Variants in ATOSA observed in about 807,000 individuals in gnomAD.
The protein encoded by ATOSA is atos homolog A, also known as atos homolog protein A.
chr15:52,676,333 C>T, the ATOSA span, among the ~76,000 whole-genome samples: 1 of 151,938 alleles, frequency 6.6e-6, no homozygotes, highest in African/African-American at 2.4e-5. Flanking sequence ...TCATCATGAC[C>T]CATTAATTGG....
chr15:52,601,404 C>T, the ATOSA span, among the ~76,000 whole-genome samples: 12 of 151,146 alleles, frequency 7.9e-5, no homozygotes, highest in South Asian at 1.3e-3. Context: ...TTTTAAGAAG[C>T]AGAAACATTT....
At chr15:52,628,381 G>A in the ATOSA span, among the ~76,000 whole-genome samples, 1 of 152,158 alleles carries the variant, frequency 6.6e-6, no homozygotes, top group African/African-American at 2.4e-5. Flanking sequence ...CACAGAAGAT[G>A]CTCCTCTGAT....
chr15:52,708,920 C>T, the ATOSA span, among the ~76,000 whole-genome samples: 24 of 151,984 alleles, frequency 1.6e-4, no homozygotes, highest in Non-Finnish European at 2.8e-4. Context: ...CTGACTTAAC[C>T]GGAAATCACA....
At chr15:52,655,876 C>A in the ATOSA span, among the ~76,000 whole-genome samples, 14 of 152,068 alleles carry the variant, frequency 9.2e-5, no homozygotes, top group Non-Finnish European at 1.9e-4. Context: ...GAATCTATTT[C>A]TTTATTTGAA....
At chr15:52,611,858 G>A in the ATOSA span, 1 of 1,264,622 alleles carries the variant, frequency 7.9e-7, no homozygotes, top group Non-Finnish European at 1.1e-6. Flanking sequence ...TCATTGTAAA[G>A]TAGACATCTG....
chr15:52,613,581 T>C, the ATOSA span: 1 of 1,320,950 alleles, frequency 7.6e-7, no homozygotes, highest in Non-Finnish European at 1.0e-6. Context: ...TACATTGAAA[T>C]ATGACAATTA....
the ATOSA span, among the ~76,000 whole-genome samples, chr15:52,644,816 G>A: frequency 2.6e-5 from 4 of 152,084 alleles, no homozygotes; most frequent in Admixed American, 1.3e-4. Flanking sequence ...AAAATAAAAG[G>A]GGAGAACACT....
At chr15:52,667,259 G>A in the ATOSA span, among the ~76,000 whole-genome samples, 1 of 152,116 alleles carries the variant, frequency 6.6e-6, no homozygotes, top group African/African-American at 2.4e-5. Context: ...ATATTAATTA[G>A]CTGTTCTATT....
chr15:52,629,810 T>A, the ATOSA span: 123 of 149,558 alleles, frequency 8.2e-4, 2 homozygotes, highest in South Asian at 0.011. Context: ...TAAAAAAAAT[T>A]AAAAAATAAA....
the ATOSA span, among the ~76,000 whole-genome samples, chr15:52,667,907 G>A: frequency 6.6e-6 from 1 of 152,126 alleles, no homozygotes; most frequent in Non-Finnish European, 1.5e-5. Flanking sequence ...AAAGACAAAA[G>A]AAAACAAGTG....
the ATOSA span, among the ~76,000 whole-genome samples, chr15:52,691,292 T>A: frequency 6.6e-6 from 1 of 152,198 alleles, no homozygotes; most frequent in African/African-American, 2.4e-5. Flanking sequence ...CAAGACTTAG[T>A]CTCATTGGTT....
At chr15:52,662,736 C>T in the ATOSA span, among the ~76,000 whole-genome samples, 314 of 146,118 alleles carry the variant, frequency 2.1e-3, 1 homozygote, top group African/African-American at 7.8e-3. Flanking sequence ...AGCCACTGCA[C>T]TCCAGCCTGA....
chr15:52,621,046 C>G, the ATOSA span, among the ~76,000 whole-genome samples: 1 of 152,162 alleles, frequency 6.6e-6, no homozygotes, highest in African/African-American at 2.4e-5. Context: ...AATAACAGGA[C>G]AAGTACACCT....
the ATOSA span, chr15:52,608,843 C>G: frequency 6.2e-7 from 1 of 1,608,270 alleles, no homozygotes; most frequent in Non-Finnish European, 8.5e-7. Flanking sequence ...TCAGACATTT[C>G]CAACACAGTA....
the ATOSA span, among the ~76,000 whole-genome samples, chr15:52,679,810 T>TC: frequency 9.3e-4 from 16 of 17,292 alleles, no homozygotes; most frequent in East Asian, 0.015. Context: ...TCCCCCTCCT[T>TC]CCCCCCCTCC....
At chr15:52,596,700 T>C in the ATOSA span, among the ~76,000 whole-genome samples, 1 of 152,180 alleles carries the variant, frequency 6.6e-6, no homozygotes, top group East Asian at 1.9e-4. Flanking sequence ...CATCCCACAA[T>C]GCACAAACAG....
chr15:52,601,945 T>C, the ATOSA span, among the ~76,000 whole-genome samples: 1 of 152,220 alleles, frequency 6.6e-6, no homozygotes, highest in African/African-American at 2.4e-5. Context: ...TAAGAACTTA[T>C]TGTGAAATTT....
chr15:52,659,636 G>C, the ATOSA span, among the ~76,000 whole-genome samples: 62 of 152,090 alleles, frequency 4.1e-4, no homozygotes, highest in Non-Finnish European at 1.5e-5. Flanking sequence ...ACACAGCTGG[G>C]GCAAATGAGC....
At chr15:52,700,312 C>T in the ATOSA span, among the ~76,000 whole-genome samples, 5 of 152,060 alleles carry the variant, frequency 3.3e-5, no homozygotes, top group African/African-American at 1.2e-4. Context: ...TATTGCCTAC[C>T]CCTCTCTAGG....
Sources: gnomAD v4.1 joint callset for allele counts (sites outside exome capture counted in the v4.1 genomes callset) on GRCh38, gnomAD v4.1.1 for gene constraint, MANE v1.5 for transcripts, NCBI Gene and HGNC (gene_info 2026-07-23, HGNC 2026-07-21) for gene names.